TMEM132C: variants seen among roughly 807,000 people sequenced by gnomAD.
TMEM132C encodes transmembrane protein 132C.
In TMEM132C, 29 loss-of-function variants were observed where a neutral mutation model predicts 61.4. That is an observed-to-expected ratio of 0.47 (90% CI 0.35 to 0.64). The LOEUF (loss-of-function observed/expected upper bound fraction) is 0.64, where lower values mean the gene tolerates loss of function less well. TMEM132C is among the 30% of genes least tolerant of loss of function. The pLI, the probability that TMEM132C is intolerant of heterozygous loss-of-function variation, is 0.00. For synonymous variants in TMEM132C, 656 were observed against 633.1 expected, an observed-to-expected ratio of 1.04 and a Z score of -0.54; for missense variants, 1,408 against 1,476.9, an observed-to-expected ratio of 0.95 and a Z score of 0.76.
chr12:128,410,901 T>C (rs919151561), intron 1 of TMEM132C, among the ~76,000 whole-genome samples: 1 of 152,236 alleles, frequency 6.6e-6, no homozygotes, highest in Non-Finnish European at 1.5e-5. Context: ...TGTGTACCTT[T>C]AGACGTCTTT....
rs565332579 is a variant in TMEM132C, at chr12:128,408,688, G to T, written c.86-6044G>T. Among the ~76,000 whole-genome samples the T allele has an allele frequency of 9.8e-5, 15 of 152,302 alleles. No individual in the cohort carries two copies. The South Asian group carries it at 3.1e-3, about 32-fold the overall frequency. On this transcript the variant is annotated intron_variant, in intron 1 of 8. Coordinates refer to ENST00000435159, the MANE Select transcript of TMEM132C (RefSeq NM_001136103.3). The stretch of plus-strand genomic sequence containing the variant: ...GTTTTAAGCTGATTCTGAAATTAGG[G>T]GGTTAAAATGGAAGCGCCGAGCCAT...
chr12:128,377,944 C>T (rs1874251669), intron 1 of TMEM132C, among the ~76,000 whole-genome samples: 1 of 152,108 alleles, frequency 6.6e-6, no homozygotes, highest in African/African-American at 2.4e-5. Flanking sequence ...CTGCCCTCGT[C>T]ATTTCCATGG....
At chr12:128,441,568 T>C (rs1869788208) in intron 2 of TMEM132C, among the ~76,000 whole-genome samples, 1 of 152,174 alleles carries the variant, frequency 6.6e-6, no homozygotes, top group Non-Finnish European at 1.5e-5. Flanking sequence ...ATACTTTGTG[T>C]CCCCTGCAGT....
chr12:128,355,572 A>G (rs1873476689), intron 1 of TMEM132C, among the ~76,000 whole-genome samples: 1 of 151,774 alleles, frequency 6.6e-6, no homozygotes, highest in African/African-American at 2.4e-5. Context: ...GACACCCTCC[A>G]TGGCTCCCAT....
At chr12:128,452,001 T>C (rs1355514657) in intron 2 of TMEM132C, among the ~76,000 whole-genome samples, 1 of 152,152 alleles carries the variant, frequency 6.6e-6, no homozygotes, top group Non-Finnish European at 1.5e-5. Context: ...CCAAGTCTTA[T>C]ATCCAGAAAC....
In TMEM132C at chr12:128,403,487, A is replaced by G. The variant is rs80060290; in HGVS notation, c.86-11245A>G. Reference sequence around the variant, plus strand: ...AATTTTTTTTTCGCATGTGGATATCACCCTTACCCCCAACATTTCTGTAGT... The same window carrying G: ...AATTTTTTTTTCGCATGTGGATATCGCCCTTACCCCCAACATTTCTGTAGT... On this transcript the variant is annotated intron_variant, in intron 1 of 8. Coordinates refer to ENST00000435159, the MANE Select transcript of TMEM132C (RefSeq NM_001136103.3). Among the ~76,000 whole-genome samples, 84 of 152,064 alleles carry G rather than the reference A, an allele frequency of 5.5e-4. No homozygotes were observed. The Middle Eastern group carries it at 0.014, about 25-fold the overall frequency.
intron 1 of TMEM132C, among the ~76,000 whole-genome samples, chr12:128,396,196 G>A (rs1441000112): frequency 1.3e-5 from 2 of 151,240 alleles, no homozygotes; most frequent in Non-Finnish European, 2.9e-5. Flanking sequence ...TTACATAATT[G>A]ACATTGTTCT....
chr12:128,375,314 G>A (rs556833418), intron 1 of TMEM132C, among the ~76,000 whole-genome samples: 11 of 152,184 alleles, frequency 7.2e-5, no homozygotes, highest in East Asian at 5.8e-4. Context: ...CAATGACCCC[G>A]CACTGGGTGG....
chr12:128,399,550 A>G (rs1346629321), intron 1 of TMEM132C, among the ~76,000 whole-genome samples: 1 of 152,208 alleles, frequency 6.6e-6, no homozygotes, highest in African/African-American at 2.4e-5. Flanking sequence ...TCCATTTCCA[A>G]ACTGTTTTGG....
chr12:128,360,344 A>G (rs1414373010), intron 1 of TMEM132C, among the ~76,000 whole-genome samples: 2 of 152,168 alleles, frequency 1.3e-5, no homozygotes, highest in Non-Finnish European at 2.9e-5. Flanking sequence ...ATTCTGTCCA[A>G]CAGAATTTAG....
chr12:128,351,039 C>G lies in TMEM132C; in HGVS notation c.86-63693C>G, dbSNP rs953523914. On this transcript the variant is annotated intron_variant, in intron 1 of 8. Transcript: ENST00000435159. ...CTGAGTCTCTTACTCCATAAAATGCCCCAACTGTCCAAGAACCCAAGAGAG... is the reference window on the plus strand; with the variant it reads ...CTGAGTCTCTTACTCCATAAAATGCGCCAACTGTCCAAGAACCCAAGAGAG... Among the ~76,000 whole-genome samples the G allele has an allele frequency of 3.3e-5, 5 of 152,190 alleles. No homozygotes were observed. The East Asian group carries it at 9.7e-4, about 29-fold the overall frequency.
intron 4 of TMEM132C, among the ~76,000 whole-genome samples, chr12:128,629,878 G>A (rs1023855402): frequency 7.3e-5 from 11 of 151,062 alleles, no homozygotes; most frequent in Non-Finnish European, 1.0e-4. Flanking sequence ...AGGCAGGATA[G>A]TCACTTGAAC....
At chr12:128,609,404 T>C (rs188579750) in intron 3 of TMEM132C, among the ~76,000 whole-genome samples, 52 of 150,944 alleles carry the variant, frequency 3.4e-4, no homozygotes, top group Admixed American at 2.9e-3. Context: ...CCCTGGCTAA[T>C]TTTTAGTTTT....
chr12:128,500,341 C>A (rs1011821168), intron 2 of TMEM132C, among the ~76,000 whole-genome samples: 10 of 152,102 alleles, frequency 6.6e-5, no homozygotes, highest in African/African-American at 2.4e-4. Flanking sequence ...TAAAATAGAT[C>A]AACCAGATTT....
chr12:128,321,839 A>C (rs1440999617), intron 1 of TMEM132C, among the ~76,000 whole-genome samples: 2 of 152,230 alleles, frequency 1.3e-5, no homozygotes, highest in African/African-American at 4.8e-5. Context: ...AGTTCAAGAA[A>C]GACATTCTCG....
In TMEM132C at chr12:128,606,326, G is replaced by T. The variant is rs554957803; in HGVS notation, c.1122-9826G>T. 3.3e-5 allele frequency among the ~76,000 whole-genome samples: 5 copies of T among 152,348 alleles called. No individual in the cohort carries two copies. In the South Asian group the frequency reaches 8.3e-4, roughly 25 times the overall value. On this transcript the variant is annotated intron_variant, in intron 3 of 8. Transcript: ENST00000435159. ...AGACCCCTCCCCCGTGTGGCCAGGG[G>T]TTCCCTGGAGCCACCGCCTGGGGCT...
At position 128,326,672 on chromosome 12, in the gene TMEM132C, A is replaced by G. The variant is rs1872528227; in HGVS notation, c.85+59185A>G. 6.6e-6 allele frequency among the ~76,000 whole-genome samples: 1 copy of G among 152,188 alleles called. No homozygotes were observed. Among genetic ancestry groups the G allele is most frequent in the Non-Finnish European group, 1.5e-5 (1 of 68,036 alleles). On this transcript the variant is annotated intron_variant, in intron 1 of 8. Transcript: ENST00000435159. This position sits in a 1 kb window ranked among gnomAD's most constrained non-coding sequence, Gnocchi z 5.6. ...GTCACTCTCGAGGAAGGGAACACTG[A>G]AGCAGGATCTCTATTAGCCTTTGTG...
intron 1 of TMEM132C, among the ~76,000 whole-genome samples, chr12:128,359,308 A>C (rs955619657): frequency 6.6e-6 from 1 of 152,206 alleles, no homozygotes; most frequent in Non-Finnish European, 1.5e-5. Flanking sequence ...GACGTCTTAC[A>C]TGGTGGAAGA....
chr12:128,419,731 A>C lies in TMEM132C; in HGVS notation c.974+4111A>C, dbSNP rs1019541131. On this transcript the variant is annotated intron_variant, in intron 2 of 8. Transcript: ENST00000435159. ...AAAACAAACAAAACAGTGGTTTTCCATTTTCACTGTGGATACAATATTTCT... is the reference window on the plus strand; with the variant it reads ...AAAACAAACAAAACAGTGGTTTTCCCTTTTCACTGTGGATACAATATTTCT... 5.9e-5 allele frequency among the ~76,000 whole-genome samples: 9 copies of C among 152,180 alleles called. No homozygotes were observed. The East Asian group carries it at 1.5e-3, about 26-fold the overall frequency.
Sources: gnomAD v4.1 joint callset for allele counts (sites outside exome capture counted in the v4.1 genomes callset) on GRCh38, gnomAD v4.1.1 for gene constraint, Gnocchi (gnomAD v3.1) non-coding constraint, MANE v1.5 for transcripts, NCBI Gene and HGNC (gene_info 2026-07-23, HGNC 2026-07-21) for gene names.